YEATS2: variants seen among roughly 807,000 people sequenced by gnomAD.
The protein encoded by YEATS2 is YEATS domain containing 2.
YEATS2 carries 77 observed loss-of-function variants against 163.2 expected under a neutral mutation model. That is an observed-to-expected ratio of 0.47 (90% CI 0.39 to 0.57). The LOEUF is 0.57. YEATS2 is among the 20% of genes least tolerant of loss of function. YEATS2 has a pLI of 0.00. For missense variants in YEATS2, 1,549 were observed against 1,729.8 expected, an observed-to-expected ratio of 0.90 and a Z score of 1.85; for synonymous variants, 631 against 645.1, an observed-to-expected ratio of 0.98 and a Z score of 0.33.
At chr3:183,703,323 G>A (rs767767598) in intron 1 of YEATS2, among the ~76,000 whole-genome samples, 18 of 152,146 alleles carry the variant, frequency 1.2e-4, no homozygotes, top group Admixed American at 7.9e-4. Context: ...TATTCAAAAG[G>A]TTTTGTGTGT....
intron 15 of YEATS2, among the ~76,000 whole-genome samples, chr3:183,766,201 A>G (rs780782527): frequency 1.3e-5 from 2 of 152,222 alleles, no homozygotes; most frequent in Non-Finnish European, 2.9e-5. Flanking sequence ...TCAGCCACTC[A>G]TTACTGGTGT....
intron 12 of YEATS2, among the ~76,000 whole-genome samples, chr3:183,756,892 G>A (rs748699420): frequency 1.9e-4 from 29 of 152,130 alleles, no homozygotes; most frequent in Non-Finnish European, 4.0e-4. Context: ...ATTTACTTGA[G>A]TTTTCTTTTA....
At chr3:183,771,484 T>A (rs1722449327) in intron 15 of YEATS2, among the ~76,000 whole-genome samples, 2 of 151,018 alleles carry the variant, frequency 1.3e-5, no homozygotes, top group Admixed American at 6.6e-5. Context: ...ATACTTCTAA[T>A]TTTCATTATT....
At chr3:183,803,870 T>TA in intron 26 of YEATS2, 117 bp from the exon 27 acceptor site, 6 of 1,179,894 alleles carry the variant, frequency 5.1e-6, no homozygotes, top group Non-Finnish European at 5.8e-6. Context: ...GTTTTTTTCT[T>TA]TAAAAAAAAA....
At chr3:183,721,387 A>T (rs1716475106) in intron 4 of YEATS2, among the ~76,000 whole-genome samples, 1 of 152,234 alleles carries the variant, frequency 6.6e-6, no homozygotes, top group Admixed American at 6.5e-5. Flanking sequence ...AGTAACTAAG[A>T]CACAGAAAAA....
chr3:183,755,358 C>T (rs964149602), intron 11 of YEATS2, among the ~76,000 whole-genome samples: 1 of 152,130 alleles, frequency 6.6e-6, no homozygotes, highest in Non-Finnish European at 1.5e-5. Flanking sequence ...CTCAGGTGAT[C>T]CACCTACCTT....
intron 17 of YEATS2, among the ~76,000 whole-genome samples, 165 bp from the exon 18 acceptor site, chr3:183,775,750 T>C (rs1280747922): frequency 6.6e-6 from 1 of 152,210 alleles, no homozygotes; most frequent in Non-Finnish European, 1.5e-5. Context: ...GAAGTTCTCC[T>C]CACTCTTGTC....
chr3:183,756,808 G>A (rs1193354637), intron 12 of YEATS2, 119 bp downstream of exon 12: 11 of 929,362 alleles, frequency 1.2e-5, no homozygotes, highest in African/African-American at 8.6e-5. Context: ...AACGAGAAGC[G>A]AGAATAAGTA....
At chr3:183,804,870 T>C (rs914302317) in intron 27 of YEATS2, among the ~76,000 whole-genome samples, 1 of 151,892 alleles carries the variant, frequency 6.6e-6, no homozygotes, top group Non-Finnish European at 1.5e-5. Flanking sequence ...ACGCCTGTGG[T>C]CCCAGCTACT....
At chr3:183,711,731 A>G (rs922081647) in intron 1 of YEATS2, among the ~76,000 whole-genome samples, 2 of 151,952 alleles carry the variant, frequency 1.3e-5, no homozygotes, top group African/African-American at 4.8e-5. Flanking sequence ...ATAATGAGCC[A>G]CTCTCCTAGC....
chr3:183,795,030 A>G (rs927659030), intron 21 of YEATS2, among the ~76,000 whole-genome samples: 7 of 151,140 alleles, frequency 4.6e-5, no homozygotes, highest in African/African-American at 1.7e-4. Flanking sequence ...TTAGCTGGGC[A>G]TGGTAGTTGT....
At chr3:183,802,756 C>T (rs1219367798) in intron 25 of YEATS2, 1 of 152,670 alleles carries the variant, frequency 6.6e-6, no homozygotes, top group African/African-American at 2.4e-5. Context: ...ATGGTGAAAC[C>T]CCATCTCTAC....
chr3:183,747,428 T>C (rs771158426), intron 8 of YEATS2, among the ~76,000 whole-genome samples: 1 of 152,138 alleles, frequency 6.6e-6, no homozygotes, highest in African/African-American at 2.4e-5. Context: ...CATTTTTACA[T>C]TGTCCTTAGA....
chr3:183,805,773 C>T (rs927951454), intron 27 of YEATS2, among the ~76,000 whole-genome samples: 3 of 151,512 alleles, frequency 2.0e-5, no homozygotes, highest in African/African-American at 4.8e-5. Flanking sequence ...TGGGTGACAG[C>T]GCAAAACCCT....
At chr3:183,762,438 C>A (rs965258787) in intron 15 of YEATS2, among the ~76,000 whole-genome samples, 159 bp downstream of exon 15, 1 of 152,224 alleles carries the variant, frequency 6.6e-6, no homozygotes, top group Non-Finnish European at 1.5e-5. Context: ...TGGTGTGAAA[C>A]TCTTCTACTC....
chr3:183,777,424 A>T, intron 18 of YEATS2, 118 bp from the exon 19 acceptor site: 1 of 1,097,226 alleles, frequency 9.1e-7, no homozygotes, highest in Non-Finnish European at 1.3e-6. Context: ...TTGCAGAATT[A>T]AAGGGGAGAG....
intron 6 of YEATS2, among the ~76,000 whole-genome samples, chr3:183,725,204 G>T (rs910660677): frequency 1.3e-5 from 2 of 152,042 alleles, no homozygotes; most frequent in Admixed American, 1.3e-4. Flanking sequence ...GGATAAATAA[G>T]GGGAAGATGT....
chr3:183,697,804 C>G lies in YEATS2; in HGVS notation c.-209C>G, dbSNP rs1038351304. ...CGCCGCCGCGCGCGCCCCGACGCGCCCAGCTGCTGACGTGCGGGGCGGAAC... is the reference window on the plus strand; with the variant it reads ...CGCCGCCGCGCGCGCCCCGACGCGCGCAGCTGCTGACGTGCGGGGCGGAAC... On this transcript the variant is annotated 5_prime_UTR_variant, in exon 1 of 31. Coordinates refer to ENST00000305135, the MANE Select transcript of YEATS2 (RefSeq NM_018023.5). 1 of 149,602 alleles carries G rather than the reference C, an allele frequency of 6.7e-6. No individual in the cohort carries two copies. The highest frequency in any genetic ancestry group is 2.4e-5 in the African/African-American group (1 of 41,128). The allele number at this position is 149,602 out of a possible 1,614,324, so 9.3% of individuals were successfully genotyped here.
rs181877924 is a variant in YEATS2 at position 183,738,492 on chromosome 3, G to A, written c.924+1663G>A. ...ATGTATACATGTGCCATACTGGTGC[G>A]CTGCACCCACTAACTCGTCATCTAG... On this transcript the variant is annotated intron_variant, in intron 8 of 30. Coordinates refer to ENST00000305135, the MANE Select transcript of YEATS2 (RefSeq NM_018023.5). 7.2e-3 allele frequency among the ~76,000 whole-genome samples: 987 copies of A among 137,488 alleles called. 45 individuals carry two copies. In the East Asian group the frequency reaches 0.12, roughly 17 times the overall value. 90.2% of individuals were successfully genotyped at this position (137,488 alleles called of 152,430 possible).
Sources: allele counts gnomAD v4.1 joint callset (sites outside exome capture counted in the v4.1 genomes callset), GRCh38; gene constraint gnomAD v4.1.1; transcripts MANE v1.5; gene names NCBI Gene and HGNC (gene_info 2026-07-23, HGNC 2026-07-21).